Variants in DNAH12 observed in about 807,000 individuals in gnomAD.
DNAH12 encodes the protein axonemal beta dynein heavy chain 12.
DNAH12 carries 285 observed loss-of-function variants against 371.5 expected under a neutral mutation model. The ratio of observed to expected loss-of-function variants is 0.77; its 90% confidence interval spans 0.70 to 0.85. DNAH12 has a LOEUF of 0.85. DNAH12 is among the 40% of genes least tolerant of loss of function. The pLI is 0.00. For missense variants in DNAH12, 3,611 were observed against 3,689.4 expected (o/e 0.98, Z 0.55); for synonymous variants, 1,200 against 1,213.0 (o/e 0.99, Z 0.22).
chr3:57,374,206 T>C (rs1295580889), intron 55 of DNAH12, among the ~76,000 whole-genome samples: 1 of 152,144 alleles, frequency 6.6e-6, no homozygotes, highest in African/African-American at 2.4e-5. Context: ...TAATTTAAAA[T>C]TACTAAATCA....
intron 43 of DNAH12, among the ~76,000 whole-genome samples, chr3:57,400,312 A>G (rs1476739813): frequency 1.3e-5 from 2 of 152,162 alleles, no homozygotes; most frequent in Non-Finnish European, 2.9e-5. Flanking sequence ...GTGAATTTTC[A>G]TCTGTGTTGG....
At chr3:57,358,787 T>C (rs888355344) in intron 58 of DNAH12, among the ~76,000 whole-genome samples, 2 of 152,074 alleles carry the variant, frequency 1.3e-5, no homozygotes, top group African/African-American at 2.4e-5. Context: ...ACAGGAAATA[T>C]AACTTTTATT....
intron 4 of DNAH12, among the ~76,000 whole-genome samples, chr3:57,516,313 CG>C (rs908349761): frequency 6.6e-6 from 1 of 152,052 alleles, no homozygotes; most frequent in African/African-American, 2.4e-5. Flanking sequence ...CCATCCGACT[CG>C]GCCTCCCAAA....
chr3:57,293,861 C>T lies in DNAH12; in HGVS notation c.11803G>A (p.Ala3935Thr). ...TTGHSTNFVIAMLLKTDQPTR... is the reference protein window; with the variant it reads ...TTGHSTNFVITMLLKTDQPTR... ...GGTTGGTCTGTTTTTAACAACATTG[C>T]AATGACAAAGTTAGTAGAATGTCCC... is the stretch of plus-strand genomic sequence containing the variant. Residue 3935 changes from alanine (A) to threonine (T), a missense_variant, in exon 74 of 74, where the codon GCA becomes ACA. Ala to Thr is a moderately conservative substitution (Grantham distance 58). This residue lies in a region of DNAH12 where 2,266 missense variants were observed against 2,236.9 expected (regional missense o/e 1.01). Coordinates refer to ENST00000495027, the MANE Select transcript of DNAH12 (RefSeq NM_001366028.2). 1 of 1,548,484 alleles carries T rather than the reference C, an allele frequency of 6.5e-7. No individual in the cohort carries two copies. The highest frequency in any genetic ancestry group is 8.7e-7 in the Non-Finnish European group (1 of 1,145,740).
At chr3:57,549,969 G>T in the DNAH12 span, among the ~76,000 whole-genome samples, 6 of 151,534 alleles carry the variant, frequency 4.0e-5, no homozygotes, top group South Asian at 2.1e-4. Flanking sequence ...TCAAATGAGA[G>T]AACCAAATTT....
At chr3:57,479,326 G>A (rs1292832409) in intron 13 of DNAH12, among the ~76,000 whole-genome samples, 1 of 151,988 alleles carries the variant, frequency 6.6e-6, no homozygotes, top group Non-Finnish European at 1.5e-5. Context: ...GACAAAGAAG[G>A]CCATTACATA....
At chr3:57,336,760 A>C (rs1020403769) in intron 60 of DNAH12, among the ~76,000 whole-genome samples, 4 of 152,214 alleles carry the variant, frequency 2.6e-5, no homozygotes, top group African/African-American at 4.8e-5. Context: ...CACAATAAGA[A>C]AAAAGCTGAA....
the DNAH12 span, among the ~76,000 whole-genome samples, chr3:57,555,969 G>C: frequency 6.6e-6 from 1 of 152,222 alleles, no homozygotes; most frequent in South Asian, 2.1e-4. Flanking sequence ...GCAGGGAGGA[G>C]AGCTGGTCAG....
intron 57 of DNAH12, among the ~76,000 whole-genome samples, chr3:57,365,315 G>A (rs2063025697): frequency 6.6e-6 from 1 of 152,188 alleles, no homozygotes; most frequent in East Asian, 1.9e-4. Flanking sequence ...GCAGAGACAT[G>A]GATGGAGCTG....
At chr3:57,360,186 G>C (rs1281671619) in intron 58 of DNAH12, among the ~76,000 whole-genome samples, 1 of 152,080 alleles carries the variant, frequency 6.6e-6, no homozygotes, top group Admixed American at 6.6e-5. Context: ...ATTGGGAAAG[G>C]AGACACTACA....
intron 7 of DNAH12, among the ~76,000 whole-genome samples, chr3:57,508,125 T>C (rs1404430217): frequency 1.3e-5 from 2 of 148,790 alleles, no homozygotes; most frequent in Non-Finnish European, 3.0e-5. Context: ...AGACAAAGCT[T>C]GCAGTGAGCC....
intron 55 of DNAH12, among the ~76,000 whole-genome samples, chr3:57,374,973 T>A (rs1323416933): frequency 1.3e-5 from 2 of 152,182 alleles, no homozygotes; most frequent in Non-Finnish European, 2.9e-5. Context: ...TCATGTTTTG[T>A]ATCTTGATAG....
rs1228090735 is a variant in DNAH12, at chr3:57,446,254, G to A, written c.3956C>T (p.Ala1319Val). Reference protein sequence around the residue: ...LAMGKFFKGLASSGAWACFDE... With the variant: ...LAMGKFFKGLVSSGAWACFDE... ...AAAGCAAGCCCAAGCACCAGAAGAA[G>A]CCAGTCCTTTAAAAAACTAAGGACA... The change falls in exon 27 of 74, where the codon GCT (alanine) becomes GTT (valine). Residue 1319 changes from alanine (A) to valine (V), a missense_variant. By Grantham distance (64) the Ala-to-Val change is moderately conservative (BLOSUM62 0). Transcript: ENST00000495027. 2.1e-5 allele frequency: 33 copies of A among 1,551,256 alleles called. No individual in the cohort carries two copies. The highest frequency in any genetic ancestry group is 2.2e-5 in the Non-Finnish European group (25 of 1,146,870).
At chr3:57,406,619 G>A (rs782787165) in intron 40 of DNAH12, among the ~76,000 whole-genome samples, 1 of 72,898 alleles carries the variant, frequency 1.4e-5, no homozygotes, top group Non-Finnish European at 2.4e-5. Flanking sequence ...ATCTTTCAGA[G>A]AAAGGGAAAT....
intron 2 of DNAH12, among the ~76,000 whole-genome samples, chr3:57,531,629 C>T (rs372421984): frequency 6.6e-5 from 10 of 151,786 alleles, no homozygotes; most frequent in South Asian, 2.1e-4. Context: ...CTGGGTGTGG[C>T]GGCATGTGCT....
chr3:57,452,712 T>C, intron 25 of DNAH12, 131 bp downstream of exon 25: 1 of 853,222 alleles, frequency 1.2e-6, no homozygotes, highest in Non-Finnish European at 1.7e-6. Context: ...ATTATAATTT[T>C]GCATAAAGAG....
chr3:57,483,293 A>T (rs1437121089), intron 13 of DNAH12, 83 bp downstream of exon 13: 13 of 1,470,088 alleles, frequency 8.8e-6, no homozygotes, highest in Non-Finnish European at 9.1e-7. Flanking sequence ...TATTTGTGTA[A>T]CTATATATTT....
Position 57,504,076 on chromosome 3 carries a change from G to C in DNAH12, c.1026C>G (p.Thr342=), listed in dbSNP as rs1340987803. Residue 342 remains threonine, a synonymous_variant, in exon 9 of 74, where the codon ACC becomes ACG. Transcript: ENST00000495027. ...FDDDKMEFYP[T]FQDLEDNVLS... ...AGACATTATCTTCCAAATCTTGAAA[G>C]GTAGGATAAAATTCCATTTTGTCGT... The C allele has an allele frequency of 6.2e-7, 1 of 1,613,946 alleles. No individual in the cohort carries two copies. The highest frequency in any genetic ancestry group is 1.7e-5 in the Admixed American group (1 of 60,024).
rs2061378489 is a variant in DNAH12 at position 57,302,560 on chromosome 3, TATATG to T, written c.11190-626_11190-622del. 1.7e-4 allele frequency among the ~76,000 whole-genome samples: 16 copies of T among 95,542 alleles called. 1 individual carries two copies. Among genetic ancestry groups the T allele is most frequent in the Admixed American group, 3.5e-4 (3 of 8,656 alleles). The allele number at this position is 95,542 out of a possible 152,430, so 62.7% of individuals were successfully genotyped here. A position where few individuals can be genotyped will look rare whatever the true frequency, so the allele number is the denominator to read the frequency against. On this transcript the variant is annotated intron_variant, in intron 69 of 73. Transcript: ENST00000495027. ...ATATATATATATATATATATATATA[TATATG>T]TATTTTTTTTTTTTTTTTTTTTTTT...
Sources: allele counts gnomAD v4.1 joint callset (sites outside exome capture counted in the v4.1 genomes callset), GRCh38; gene constraint gnomAD v4.1.1; regional missense constraint gnomAD v4.1.1; transcripts MANE v1.5; gene names NCBI Gene and HGNC (gene_info 2026-07-23, HGNC 2026-07-21).